Variants in ZHX2 observed in about 807,000 individuals in gnomAD.
ZHX2 encodes zinc fingers and homeoboxes protein 2.
Under a neutral mutation model 21.9 loss-of-function variants are expected in ZHX2, and 6 were observed. The observed-to-expected ratio is 0.27, with a 90% confidence interval of 0.15 to 0.54. The LOEUF is 0.54. Among genes scored for constraint, ZHX2 ranks in the 20% least tolerant of loss-of-function variants. The pLI is 0.95. For missense variants in ZHX2, 908 were observed against 1,090.7 expected, an observed-to-expected ratio of 0.83 and a Z score of 2.36; for synonymous variants, 434 against 437.1, an observed-to-expected ratio of 0.99 and a Z score of 0.09.
At chr8:122,821,816 T>C (rs1818159145) in intron 1 of ZHX2, among the ~76,000 whole-genome samples, 1 of 152,174 alleles carries the variant, frequency 6.6e-6, no homozygotes, top group South Asian at 2.1e-4. Flanking sequence ...GTGATTCTCA[T>C]GCCTCAGCCT....
At chr8:122,899,057 C>T (rs999284839) in intron 2 of ZHX2, among the ~76,000 whole-genome samples, 2 of 152,192 alleles carry the variant, frequency 1.3e-5, no homozygotes, top group Admixed American at 6.5e-5. Context: ...AGTCAACAGC[C>T]ATGGAACACC....
chr8:122,835,054 G>A (rs1818464256), intron 1 of ZHX2, among the ~76,000 whole-genome samples: 1 of 152,314 alleles, frequency 6.6e-6, no homozygotes, highest in Middle Eastern at 3.4e-3. Flanking sequence ...CTTCTGGGGT[G>A]AGGGTGGAAG....
chr8:122,884,827 T>G (rs1210253773), intron 2 of ZHX2, among the ~76,000 whole-genome samples: 1 of 152,114 alleles, frequency 6.6e-6, no homozygotes, highest in Non-Finnish European at 1.5e-5. Context: ...ACAATTCTAC[T>G]TAAGAACACC....
At chr8:122,833,536 C>G (rs1038781553) in intron 1 of ZHX2, among the ~76,000 whole-genome samples, 1 of 151,988 alleles carries the variant, frequency 6.6e-6, no homozygotes, top group Non-Finnish European at 1.5e-5. Flanking sequence ...GGAGAAGTTG[C>G]ATGTTTTAAG....
At chr8:122,914,947 C>T (rs1476396563) in intron 2 of ZHX2, among the ~76,000 whole-genome samples, 1 of 152,208 alleles carries the variant, frequency 6.6e-6, no homozygotes, top group Non-Finnish European at 1.5e-5. Flanking sequence ...CATCACCAAA[C>T]CTCAGTCTAG....
intron 2 of ZHX2, among the ~76,000 whole-genome samples, chr8:122,893,933 G>A (rs773648084): frequency 2.6e-5 from 4 of 152,144 alleles, no homozygotes; most frequent in Admixed American, 6.5e-5. Flanking sequence ...GCATCTGGTG[G>A]GACAGTTGCC....
chr8:122,821,718 T>TTATG (rs1459015526), intron 1 of ZHX2, among the ~76,000 whole-genome samples: 197 of 151,872 alleles, frequency 1.3e-3, no homozygotes, highest in African/African-American at 4.5e-3. Flanking sequence ...ATTTATTTAT[T>TTATG]TATTTAGAGA....
intron 1 of ZHX2, chr8:122,810,692 C>G (rs555102101): frequency 1.3e-5 from 2 of 152,282 alleles, no homozygotes; most frequent in Non-Finnish European, 2.9e-5. Flanking sequence ...AGCTCCTCTC[C>G]CCTGGTGTCA....
At chr8:122,970,907 C>G (rs1396823822) in intron 3 of ZHX2, among the ~76,000 whole-genome samples, 1 of 152,210 alleles carries the variant, frequency 6.6e-6, no homozygotes, top group Non-Finnish European at 1.5e-5. Flanking sequence ...TCTTCAATTG[C>G]TACCTAGCTC....
At chr8:122,894,876 A>G (rs1028847691) in intron 2 of ZHX2, among the ~76,000 whole-genome samples, 62 of 152,244 alleles carry the variant, frequency 4.1e-4, no homozygotes, top group African/African-American at 1.4e-3. Flanking sequence ...ATGAGGAAAC[A>G]GGTTATGTCT....
At chr8:122,913,138 G>T (rs1025062880) in intron 2 of ZHX2, among the ~76,000 whole-genome samples, 2 of 152,178 alleles carry the variant, frequency 1.3e-5, no homozygotes, top group Admixed American at 6.5e-5. Context: ...GGTCTTTCAT[G>T]ACTGGCTTAT....
chr8:122,884,907 T>C (rs1419841981), intron 2 of ZHX2, among the ~76,000 whole-genome samples: 1 of 152,168 alleles, frequency 6.6e-6, no homozygotes, highest in Admixed American at 6.5e-5. Context: ...CCATGGGGCT[T>C]TGGAATTTCA....
chr8:122,904,301 A>G (rs1820297542), intron 2 of ZHX2, among the ~76,000 whole-genome samples: 1 of 152,232 alleles, frequency 6.6e-6, no homozygotes, highest in Non-Finnish European at 1.5e-5. Context: ...ACTGTGGTCC[A>G]GCCCCTGCTC....
At chr8:122,972,771 C>G (rs1488436703) in intron 3 of ZHX2, among the ~76,000 whole-genome samples, 3 of 152,146 alleles carry the variant, frequency 2.0e-5, no homozygotes, top group Admixed American at 1.3e-4. Context: ...TAGTGTCATC[C>G]CTGTTATACA....
chr8:122,845,666 GGT>G (rs1297023122), intron 1 of ZHX2, among the ~76,000 whole-genome samples: 1 of 152,204 alleles, frequency 6.6e-6, no homozygotes, highest in Non-Finnish European at 1.5e-5. Context: ...AAAAGTTAAA[GGT>G]GCTGCACTTT....
chr8:122,883,580 C>T (rs1819765326), intron 2 of ZHX2, among the ~76,000 whole-genome samples: 1 of 151,722 alleles, frequency 6.6e-6, no homozygotes, highest in Middle Eastern at 3.4e-3. Flanking sequence ...CTTTACAAAT[C>T]ACAGGGCTTA....
intron 1 of ZHX2, among the ~76,000 whole-genome samples, chr8:122,792,527 A>G (rs939957773): frequency 2.0e-5 from 3 of 152,214 alleles, no homozygotes; most frequent in African/African-American, 7.2e-5. Flanking sequence ...CTCTATGTTT[A>G]ACTTTTTGAG....
intron 1 of ZHX2, among the ~76,000 whole-genome samples, chr8:122,814,443 G>A (rs751845201): frequency 2.6e-5 from 4 of 152,084 alleles, no homozygotes; most frequent in African/African-American, 9.7e-5. Context: ...TCCATTTCAC[G>A]CAACTTTTGC....
At position 122,974,077 on chromosome 8, in the gene ZHX2, A is replaced by T. The variant is rs958992332; in HGVS notation, c.*840A>T. The T allele has an allele frequency of 3.9e-5, 6 of 152,626 alleles. No homozygotes were observed. Among genetic ancestry groups the T allele is most frequent in the African/African-American group, 1.2e-4 (5 of 41,432 alleles). The allele number at this position is 152,626 out of a possible 1,614,324, so 9.5% of individuals were successfully genotyped here. A position where few individuals can be genotyped will look rare whatever the true frequency, so the allele number is the denominator to read the frequency against. On this transcript the variant is annotated 3_prime_UTR_variant, in exon 4 of 4. Coordinates refer to ENST00000314393, the MANE Select transcript of ZHX2 (RefSeq NM_014943.5). The stretch of plus-strand genomic sequence containing the variant: ...AGAGGCTCCCGCCTCTGTTAGCATG[A>T]TCAGTACTATTGTGACATTAAAACA...
Sources: gnomAD v4.1 joint callset for allele counts (sites outside exome capture counted in the v4.1 genomes callset) on GRCh38, gnomAD v4.1.1 for gene constraint, MANE v1.5 for transcripts, NCBI Gene and HGNC (gene_info 2026-07-23, HGNC 2026-07-21) for gene names.